The following BNIP3L variants were observed in gnomAD, a reference collection of about 807,000 sequenced individuals.
The protein encoded by BNIP3L is BCL2/adenovirus E1B 19 kDa protein-interacting protein 3-like.
A neutral mutation model predicts 25.5 loss-of-function variants in BNIP3L; 10 were observed. The observed-to-expected ratio is 0.39, with a 90% CI of 0.24 to 0.67. The LOEUF is 0.67. Ranked by LOEUF, BNIP3L falls within the 30% of genes least tolerant of loss-of-function variation. The pLI is 0.45. For missense variants in BNIP3L, 215 were observed against 270.9 expected (o/e 0.79, Z 1.45); for synonymous variants, 113 against 101.2 (o/e 1.12, Z -0.70).
At chr8:26,401,602 C>CA (rs1350703788) in intron 3 of BNIP3L, among the ~76,000 whole-genome samples, 1 of 79,570 alleles carries the variant, frequency 1.3e-5, no homozygotes, top group Non-Finnish European at 2.7e-5. Context: ...AGTGGAGGTA[C>CA]AAAATAAAAA....
chr8:26,386,902 A>T (rs555246459), intron 1 of BNIP3L, among the ~76,000 whole-genome samples: 1 of 152,154 alleles, frequency 6.6e-6, no homozygotes. Context: ...TTATTTTTTT[A>T]TTTAAGAAGA....
intron 1 of BNIP3L, among the ~76,000 whole-genome samples, chr8:26,390,861 AGT>A (rs1036509362): frequency 2.6e-5 from 4 of 152,212 alleles, no homozygotes; most frequent in African/African-American, 7.2e-5. Context: ...CTATGAAGAA[AGT>A]GTGTGTGTAT....
intron 2 of BNIP3L, among the ~76,000 whole-genome samples, chr8:26,392,514 A>C (rs1806136493): frequency 6.6e-6 from 1 of 152,200 alleles, no homozygotes; most frequent in African/African-American, 2.4e-5. Context: ...ATGATCCACT[A>C]ATGTTGCCAA....
rs1383484378 is a variant in BNIP3L at position 26,383,202 on chromosome 8, G to C, written c.72G>C (p.Gln24His). The change falls in exon 1 of 6, where the codon CAG (glutamine) becomes CAC (histidine). Residue 24 changes from glutamine to histidine, a missense_variant. This residue lies in a region of BNIP3L where 69 missense variants were observed against 53.6 expected (regional missense o/e 1.29). Transcript: ENST00000380629. ...NNNNNCEENE[Q>H]SLPPPAGLNS... is the part of the protein sequence containing the mutation. ...ACAACAACTGCGAGGAAAATGAGCA[G>C]TCTCTGCCCCCGCCGGCCGGCCTCA... is the stretch of plus-strand genomic sequence containing the variant. The C allele has an allele frequency of 6.2e-7, 1 of 1,612,072 alleles. No individual in the cohort carries two copies. The highest frequency in any genetic ancestry group is 8.5e-7 in the Non-Finnish European group (1 of 1,179,614).
chr8:26,406,016 C>T (rs1806493063), intron 3 of BNIP3L, among the ~76,000 whole-genome samples: 1 of 152,200 alleles, frequency 6.6e-6, no homozygotes, highest in South Asian at 2.1e-4. Flanking sequence ...GCACTCCAGC[C>T]TGGGTGACAG....
At chr8:26,405,077 C>T (rs1353200000) in intron 3 of BNIP3L, among the ~76,000 whole-genome samples, 1 of 151,972 alleles carries the variant, frequency 6.6e-6, no homozygotes, top group Non-Finnish European at 1.5e-5. Context: ...CTTTTTAAAA[C>T]ACTTGTCCAG....
chr8:26,407,877 T>A (rs1806535112), intron 3 of BNIP3L, 123 bp from the exon 4 acceptor site: 1 of 799,094 alleles, frequency 1.3e-6, no homozygotes, highest in South Asian at 1.8e-5. Flanking sequence ...AGCAACATGT[T>A]TGTTATCTAA....
At chr8:26,405,291 A>G (rs956210835) in intron 3 of BNIP3L, among the ~76,000 whole-genome samples, 4 of 152,206 alleles carry the variant, frequency 2.6e-5, no homozygotes, top group African/African-American at 9.6e-5. Context: ...ATAGTCAGAT[A>G]TTGTGTGTAC....
chr8:26,383,291 G>GCCA, intron 1 of BNIP3L, 61 bp downstream of exon 1: 7 of 1,555,272 alleles, frequency 4.5e-6, no homozygotes, highest in East Asian at 2.4e-5. Context: ...CCCGGCCGCC[G>GCCA]CCACCGGCGC....
intron 1 of BNIP3L, among the ~76,000 whole-genome samples, chr8:26,384,766 G>T (rs1003426197): frequency 1.6e-5 from 2 of 127,970 alleles, no homozygotes; most frequent in Admixed American, 9.6e-5. Flanking sequence ...GTAGAGTCTC[G>T]CTCTGTCTAC....
chr8:26,392,171 G>GTT lies in BNIP3L; in HGVS notation c.284+761_284+762dup, dbSNP rs369100652. Among the ~76,000 whole-genome samples the GTT allele has an allele frequency of 2.7e-3, 293 of 110,372 alleles. 2 individuals are homozygous for GTT. The highest frequency in any genetic ancestry group is 8.0e-3 in the African/African-American group (247 of 30,748). 72.4% of individuals were successfully genotyped at this position (110,372 alleles called of 152,430 possible). A position where few individuals can be genotyped will look rare whatever the true frequency, so the allele number is the denominator to read the frequency against. ...ATTATTTTTTAGTATAAACTTTTCT[G>GTT]TTTTTTTTTTTTTTTTTCAGAAGGG... is the stretch of plus-strand genomic sequence containing the variant. On this transcript the variant is annotated intron_variant, in intron 2 of 5. Coordinates refer to ENST00000380629, the MANE Select transcript of BNIP3L (RefSeq NM_004331.3).
chr8:26,408,787 G>A (rs1000890664), intron 5 of BNIP3L, among the ~76,000 whole-genome samples: 3 of 150,544 alleles, frequency 2.0e-5, no homozygotes, highest in Admixed American at 1.3e-4. Flanking sequence ...CAGGAGAATC[G>A]CTTGAACATG....
In BNIP3L at chr8:26,383,193, A is replaced by G. The variant is rs1466958179; in HGVS notation, c.63A>G (p.Glu21=). ...PLHNNNNNCE[E]NEQSLPPPAG... ...ACAACAACAACAACAACTGCGAGGAAAATGAGCAGTCTCTGCCCCCGCCGG... is the reference window on the plus strand; with the variant it reads ...ACAACAACAACAACAACTGCGAGGAGAATGAGCAGTCTCTGCCCCCGCCGG... Residue 21 remains glutamate, a synonymous_variant, in exon 1 of 6, where the codon GAA becomes GAG. Coordinates refer to ENST00000380629, the MANE Select transcript of BNIP3L (RefSeq NM_004331.3). 1 of 1,612,510 alleles carries G rather than the reference A, an allele frequency of 6.2e-7. No homozygotes were observed. Among genetic ancestry groups the G allele is most frequent in the East Asian group, 2.2e-5 (1 of 44,854 alleles).
At chr8:26,385,305 G>A (rs920148810) in intron 1 of BNIP3L, among the ~76,000 whole-genome samples, 1 of 149,490 alleles carries the variant, frequency 6.7e-6, no homozygotes, top group Non-Finnish European at 1.5e-5. Context: ...CAACAAAAAG[G>A]GCTGAGCCAG....
chr8:26,389,295 C>T (rs1322740197), intron 1 of BNIP3L, among the ~76,000 whole-genome samples: 1 of 152,096 alleles, frequency 6.6e-6, no homozygotes, highest in Non-Finnish European at 1.5e-5. Flanking sequence ...TACATATTCT[C>T]TCCCCCACCC....
intron 2 of BNIP3L, among the ~76,000 whole-genome samples, chr8:26,393,109 T>C (rs1806151355): frequency 6.6e-6 from 1 of 151,868 alleles, no homozygotes; most frequent in South Asian, 2.1e-4. Context: ...TCGAGTCTTC[T>C]GGGATAGCCT....
rs1806616085 is a variant in BNIP3L, at chr8:26,411,211, A to AT, written c.*804dup. 6.6e-6 allele frequency: 1 copy of AT among 152,266 alleles called. No homozygotes were observed. Among genetic ancestry groups the AT allele is most frequent in the Non-Finnish European group, 1.5e-5 (1 of 67,964 alleles). 9.4% of individuals were successfully genotyped at this position (152,266 alleles called of 1,614,324 possible). A position where few individuals can be genotyped will look rare whatever the true frequency, so the allele number is the denominator to read the frequency against. On this transcript the variant is annotated 3_prime_UTR_variant, in exon 6 of 6. Coordinates refer to ENST00000380629, the MANE Select transcript of BNIP3L (RefSeq NM_004331.3). ...GAAATATATGAAATTGCTTTTTGAG[A>AT]TTTTTGCGTGTGTGTTTGATATTTT...
rs569882540 is a variant in BNIP3L, at chr8:26,390,681, A to G, written c.101-562A>G. Among the ~76,000 whole-genome samples the G allele has an allele frequency of 5.3e-5, 8 of 152,350 alleles. No individual in the cohort carries two copies. The South Asian group carries it at 1.7e-3, about 32-fold the overall frequency. ...TTAATTTTATGCTCCTGATTTGTGC[A>G]CAAATTGAAATTTTTGCTATTGGAT... On this transcript the variant is annotated intron_variant, in intron 1 of 5. Coordinates refer to ENST00000380629, the MANE Select transcript of BNIP3L (RefSeq NM_004331.3).
Position 26,400,654 on chromosome 8 carries a change from G to A in BNIP3L, c.357+5352G>A, listed in dbSNP as rs1180171622. 9.3e-3 allele frequency among the ~76,000 whole-genome samples: 1,125 copies of A among 120,776 alleles called. 2 individuals carry two copies. The highest frequency in any genetic ancestry group is 0.033 in the Middle Eastern group (8 of 240). 79.2% of individuals were successfully genotyped at this position (120,776 alleles called of 152,430 possible). ...ACCTACAACATGGGAGAAAATTTTCGCAACCTACTCATCTGACAAAGGGCT... is the reference window on the plus strand; with the variant it reads ...ACCTACAACATGGGAGAAAATTTTCACAACCTACTCATCTGACAAAGGGCT... On this transcript the variant is annotated intron_variant, in intron 3 of 5. Transcript: ENST00000380629.
Sources: allele counts gnomAD v4.1 joint callset (sites outside exome capture counted in the v4.1 genomes callset), GRCh38; gene constraint gnomAD v4.1.1; regional missense constraint gnomAD v4.1.1; transcripts MANE v1.5; gene names NCBI Gene and HGNC (gene_info 2026-07-23, HGNC 2026-07-21).